The following MGAT5 variants were observed in gnomAD, a reference collection of about 807,000 sequenced individuals.
The protein encoded by MGAT5 is alpha-1,6-mannosylglycoprotein 6-beta-N-acetylglucosaminyltransferase A.
Under a neutral mutation model 94.3 loss-of-function variants are expected in MGAT5, and 30 were observed. That is an observed-to-expected ratio of 0.32 (90% CI 0.24 to 0.43). MGAT5 has a LOEUF of 0.43. MGAT5 is among the 20% of genes least tolerant of loss of function. The probability of loss-of-function intolerance (pLI) is 1.00; values close to 1 mark genes in which losing one functional copy is unlikely to be tolerated. For synonymous variants in MGAT5, 310 were observed against 322.9 expected, an observed-to-expected ratio of 0.96 and a Z score of 0.43; for missense variants, 691 against 905.5, an observed-to-expected ratio of 0.76 and a Z score of 3.04.
At chr2:134,309,564 A>G (rs1558778534) in intron 2 of MGAT5, among the ~76,000 whole-genome samples, 1 of 152,198 alleles carries the variant, frequency 6.6e-6, no homozygotes, top group Non-Finnish European at 1.5e-5. Context: ...ATGACTAATG[A>G]TGATAAGCTC....
chr2:134,411,131 C>A (rs937807620), intron 11 of MGAT5, among the ~76,000 whole-genome samples: 1 of 152,144 alleles, frequency 6.6e-6, no homozygotes, highest in African/African-American at 2.4e-5. Context: ...TCAGATCTCC[C>A]CCACCCCTGA....
At chr2:134,414,143 T>TTGTG (rs563134008) in intron 12 of MGAT5, among the ~76,000 whole-genome samples, 2 of 146,036 alleles carry the variant, frequency 1.4e-5, no homozygotes, top group Non-Finnish European at 3.0e-5. Context: ...GTGCACACAC[T>TTGTG]TGTGTGTGTG....
intron 10 of MGAT5, among the ~76,000 whole-genome samples, chr2:134,383,627 A>C (rs1681766795): frequency 6.6e-6 from 1 of 152,114 alleles, no homozygotes; most frequent in South Asian, 2.1e-4. Context: ...ACAGGGATTA[A>C]TCTCAAAGCT....
chr2:134,332,305 T>A (rs1403398131), intron 4 of MGAT5, among the ~76,000 whole-genome samples: 2 of 152,014 alleles, frequency 1.3e-5, no homozygotes, highest in Admixed American at 6.6e-5. Flanking sequence ...CTATCTGATC[T>A]TTGACAAACC....
At chr2:134,339,802 T>C (rs1327984011) in intron 6 of MGAT5, among the ~76,000 whole-genome samples, 14 of 152,178 alleles carry the variant, frequency 9.2e-5, no homozygotes, top group African/African-American at 3.4e-4. Flanking sequence ...CCATCCAGTT[T>C]TGATGGAAGC....
intron 2 of MGAT5, among the ~76,000 whole-genome samples, chr2:134,273,254 C>T (rs1407738919): frequency 1.3e-5 from 2 of 152,164 alleles, no homozygotes; most frequent in African/African-American, 2.4e-5. Flanking sequence ...TATGAGCAGC[C>T]CTTCCTTGCT....
intron 8 of MGAT5, among the ~76,000 whole-genome samples, chr2:134,345,265 A>G (rs145150604): frequency 1.4e-3 from 212 of 152,312 alleles, no homozygotes; most frequent in Non-Finnish European, 2.2e-3. Context: ...CTTAGAAAAC[A>G]AGTGTCAACC....
intron 10 of MGAT5, among the ~76,000 whole-genome samples, chr2:134,380,978 G>T (rs554059496): frequency 6.6e-6 from 1 of 152,090 alleles, no homozygotes; most frequent in East Asian, 1.9e-4. Flanking sequence ...AAAAATAAAC[G>T]TAGAGAAACA....
At chr2:134,223,715 A>G (rs1451137353) in intron 1 of MGAT5, among the ~76,000 whole-genome samples, 2 of 152,148 alleles carry the variant, frequency 1.3e-5, no homozygotes, top group Non-Finnish European at 2.9e-5. Context: ...AGGCCAATTT[A>G]TGTGCAAGGT....
chr2:134,264,793 C>T (rs1683589127), intron 1 of MGAT5, among the ~76,000 whole-genome samples: 1 of 152,140 alleles, frequency 6.6e-6, no homozygotes, highest in Admixed American at 6.5e-5. Flanking sequence ...CCTGTCTTTG[C>T]CAGTTTCTCC....
intron 11 of MGAT5, among the ~76,000 whole-genome samples, chr2:134,409,238 C>T (rs1399866555): frequency 1.3e-5 from 2 of 152,218 alleles, no homozygotes. Context: ...CATGTACTAT[C>T]TCATGTAATC....
intron 10 of MGAT5, among the ~76,000 whole-genome samples, chr2:134,363,528 C>T (rs1298796868): frequency 1.3e-5 from 2 of 152,196 alleles, no homozygotes; most frequent in Non-Finnish European, 2.9e-5. Flanking sequence ...TTTACCGATT[C>T]CCCTCTGCCC....
At chr2:134,151,099 A>T (rs903404026) in intron 1 of MGAT5, among the ~76,000 whole-genome samples, 1 of 152,094 alleles carries the variant, frequency 6.6e-6, no homozygotes, top group African/African-American at 2.4e-5. Flanking sequence ...TTGCATAATT[A>T]TGCAGCCCAT....
intron 11 of MGAT5, among the ~76,000 whole-genome samples, chr2:134,409,285 T>C (rs1289749235): frequency 6.6e-6 from 1 of 152,218 alleles, no homozygotes; most frequent in Non-Finnish European, 1.5e-5. Flanking sequence ...ACTATTGTTT[T>C]ACCCATTTTA....
At chr2:134,140,749 T>A (rs940468408) in intron 1 of MGAT5, among the ~76,000 whole-genome samples, 4 of 152,148 alleles carry the variant, frequency 2.6e-5, no homozygotes, top group Non-Finnish European at 5.9e-5. Context: ...ATGAAATACA[T>A]TAGCAAAATG....
chr2:134,127,569 G>A (rs750469481), intron 1 of MGAT5, among the ~76,000 whole-genome samples: 6 of 139,152 alleles, frequency 4.3e-5, no homozygotes, highest in Non-Finnish European at 9.0e-5. Flanking sequence ...AGAAAGGAGT[G>A]TCATGGAGCT....
intron 2 of MGAT5, among the ~76,000 whole-genome samples, chr2:134,305,146 C>T (rs1361924208): frequency 6.6e-6 from 1 of 152,180 alleles, no homozygotes; most frequent in Admixed American, 6.5e-5. Flanking sequence ...GGTGTCATCT[C>T]AATTCTGCAT....
At chr2:134,261,364 G>A (rs1289238977) in intron 1 of MGAT5, among the ~76,000 whole-genome samples, 1 of 152,124 alleles carries the variant, frequency 6.6e-6, no homozygotes, top group African/African-American at 2.4e-5. Flanking sequence ...TGCTTGAGCA[G>A]ACCTCTTGCT....
At chr2:134,284,754 G>T (rs1008607997) in intron 2 of MGAT5, among the ~76,000 whole-genome samples, 6 of 152,198 alleles carry the variant, frequency 3.9e-5, no homozygotes, top group African/African-American at 1.4e-4. Flanking sequence ...AATGGTGGCA[G>T]TCTGAGCCAG....
Sources: gnomAD v4.1 joint callset for allele counts (sites outside exome capture counted in the v4.1 genomes callset) on GRCh38, gnomAD v4.1.1 for gene constraint, MANE v1.5 for transcripts, NCBI Gene and HGNC (gene_info 2026-07-23, HGNC 2026-07-21) for gene names.